BOD1: variants seen among roughly 807,000 people sequenced by gnomAD.
The protein encoded by BOD1 is biorientation of chromosomes in cell division protein 1.
Under a neutral mutation model 15.7 loss-of-function variants are expected in BOD1, and 11 were observed. That is an observed-to-expected ratio of 0.70 (90% CI 0.44 to 1.16). The LOEUF is 1.16. BOD1 is among the 50% of genes most tolerant of loss of function. BOD1 has a pLI of 0.00. For synonymous variants in BOD1, 105 were observed against 103.5 expected, an observed-to-expected ratio of 1.01 and a Z score of -0.09; for missense variants, 182 against 244.5, an observed-to-expected ratio of 0.74 and a Z score of 1.70.
In BOD1 at chr5:173,616,644, C is replaced by A; in HGVS notation, c.-208G>T. On this transcript the variant is annotated 5_prime_UTR_variant, in exon 1 of 4. Coordinates refer to ENST00000311086, the MANE Select transcript of BOD1 (RefSeq NM_138369.3). Reference sequence around the variant, plus strand: ...ACAGCAGAGGTTGTGGTGGACGCGGCAGAAACGGCCTGCTCGATTCCAGGC... The same window carrying A: ...ACAGCAGAGGTTGTGGTGGACGCGGAAGAAACGGCCTGCTCGATTCCAGGC... 7.7e-7 allele frequency: 1 copy of A among 1,306,878 alleles called. No homozygotes were observed. The highest frequency in any genetic ancestry group is 9.7e-7 in the Non-Finnish European group (1 of 1,032,068). 81.0% of individuals were successfully genotyped at this position (1,306,878 alleles called of 1,614,324 possible). A position where few individuals can be genotyped will look rare whatever the true frequency, so the allele number is the denominator to read the frequency against.
intron 1 of BOD1, chr5:173,614,867 C>G (rs567762560): frequency 2.0e-5 from 3 of 152,374 alleles, no homozygotes; most frequent in African/African-American, 7.2e-5. Context: ...CCTATATACA[C>G]TACGCATGAA....
Position 173,616,588 on chromosome 5 carries a change from G to A in BOD1, c.-152C>T. ...TGGCGATGGCGGCAGGGGCGGTGGT[G>A]GGGGCGGCGGCGGCGAAGGCCCCCT... On this transcript the variant is annotated 5_prime_UTR_variant, in exon 1 of 4. Transcript: ENST00000311086. 7.4e-7 allele frequency: 1 copy of A among 1,359,270 alleles called. No homozygotes were observed. Among genetic ancestry groups the A allele is most frequent in the East Asian group, 3.1e-5 (1 of 32,160 alleles). 84.2% of individuals were successfully genotyped at this position (1,359,270 alleles called of 1,614,324 possible). A position where few individuals can be genotyped will look rare whatever the true frequency, so the allele number is the denominator to read the frequency against.
chr5:173,609,143 A>G, intron 3 of BOD1, 95 bp downstream of exon 3: 1 of 1,291,948 alleles, frequency 7.7e-7, no homozygotes, highest in Non-Finnish European at 1.0e-6. Context: ...ATACTTCCTG[A>G]ATGATCCTCA....
intron 3 of BOD1, 117 bp downstream of exon 3, chr5:173,609,121 C>A: frequency 8.9e-7 from 1 of 1,128,838 alleles, no homozygotes; most frequent in Non-Finnish European, 1.3e-6. Flanking sequence ...AGGTGAAGTC[C>A]ATCTGCAGTA....
chr5:173,614,588 C>A (rs1755442270), intron 1 of BOD1: 1 of 152,248 alleles, frequency 6.6e-6, no homozygotes, highest in Non-Finnish European at 1.5e-5. Context: ...AACAAGTTCT[C>A]AGGTGATGCT....
Position 173,613,162 on chromosome 5 carries a change from A to G in BOD1, c.331T>C (p.Leu111=). ...ACACTCTGCCTCAGACCATTTCGCA[A>G]CTGGTTTTTGTTCATCGTAGGATTC... The part of the protein sequence containing the change: ...EWNPTMNKNQ[L]RNGLRQSVVQ... Residue 111 remains leucine (L), a synonymous_variant, in exon 2 of 4, where the codon TTG becomes CTG. Transcript: ENST00000311086. 6.2e-7 allele frequency: 1 copy of G among 1,614,156 alleles called. No individual in the cohort carries two copies. Among genetic ancestry groups the G allele is most frequent in the Non-Finnish European group, 8.5e-7 (1 of 1,179,990 alleles).
Position 173,616,188 on chromosome 5 carries a change from G to C in BOD1, c.237+12C>G, listed in dbSNP as rs1043758789. The stretch of plus-strand genomic sequence containing the variant: ...CAGCCCCGCTCCCCAACGCCCAGGC[G>C]GCCGCAGCTACCTTGGTGTCCACGT... On this transcript the variant is annotated intron_variant, in intron 1 of 3. Transcript: ENST00000311086. 5.7e-6 allele frequency: 9 copies of C among 1,572,256 alleles called. No homozygotes were observed. Among genetic ancestry groups the C allele is most frequent in the Non-Finnish European group, 7.8e-6 (9 of 1,159,960 alleles).
chr5:173,610,994 T>C (rs1260932522), intron 2 of BOD1, among the ~76,000 whole-genome samples: 5 of 152,212 alleles, frequency 3.3e-5, no homozygotes, highest in Admixed American at 3.3e-4. Context: ...ATCTTGGTCT[T>C]GGACTTCTAG....
At chr5:173,608,839 C>T (rs1755272748) in intron 3 of BOD1, among the ~76,000 whole-genome samples, 1 of 152,190 alleles carries the variant, frequency 6.6e-6, no homozygotes, top group African/African-American at 2.4e-5. Flanking sequence ...GACTCTGAAT[C>T]CCATTTAGGA....
Position 173,607,870 on chromosome 5 carries a change from C to T in BOD1, c.*424G>A, listed in dbSNP as rs77604714. On this transcript the variant is annotated 3_prime_UTR_variant, in exon 4 of 4. Coordinates refer to ENST00000311086, the MANE Select transcript of BOD1 (RefSeq NM_138369.3). ...CAAATAAGCACTGTCAAAGACTACT[C>T]CCAGCTAATCTTTACTGTCATTTTT... The T allele has an allele frequency of 5.4e-6, 1 of 185,142 alleles. No individual in the cohort carries two copies. Among genetic ancestry groups the T allele is most frequent in the Non-Finnish European group, 1.1e-5 (1 of 88,356 alleles). 11.5% of individuals were successfully genotyped at this position (185,142 alleles called of 1,614,324 possible).
chr5:173,609,739 T>C, intron 2 of BOD1: 1 of 309,116 alleles, frequency 3.2e-6, no homozygotes. Flanking sequence ...GACAGCATGG[T>C]GAGAAAGAGT....
rs1755395954 is a variant in BOD1 at position 173,613,046 on chromosome 5, C to T, written c.362+85G>A. On this transcript the variant is annotated intron_variant, in intron 2 of 3. Transcript: ENST00000311086. ...ATACTTGATATAAAGTCCCATCAAC[C>T]TTGACTAAACAGAGACCTCAACCTT... The T allele has an allele frequency of 2.0e-6, 3 of 1,503,194 alleles. No homozygotes were observed. In the African/African-American group the frequency reaches 4.3e-5, roughly 21 times the overall value. 93.1% of individuals were successfully genotyped at this position (1,503,194 alleles called of 1,614,324 possible).
chr5:173,616,139 G>C, intron 1 of BOD1, 61 bp downstream of exon 1: 2 of 1,539,454 alleles, frequency 1.3e-6, no homozygotes, highest in Non-Finnish European at 1.7e-6. Flanking sequence ...GAAAATCAAA[G>C]CTGCCACCCG....
In BOD1 at chr5:173,607,519, A is replaced by G. The variant is rs566949616; in HGVS notation, c.*775T>C. The stretch of plus-strand genomic sequence containing the variant: ...GTTTAAGCTTCAGCTGAAGCTTCGG[A>G]GTAAAAGTATCAAATAATTTTATTA... On this transcript the variant is annotated 3_prime_UTR_variant, in exon 4 of 4. Transcript: ENST00000311086. The G allele has an allele frequency of 6.5e-4, 99 of 152,370 alleles. No individual in the cohort carries two copies. Among genetic ancestry groups the G allele is most frequent in the African/African-American group, 2.3e-3 (94 of 41,576 alleles). The allele number at this position is 152,370 out of a possible 1,614,324, so 9.4% of individuals were successfully genotyped here.
At chr5:173,612,012 G>C (rs537460396) in intron 2 of BOD1, among the ~76,000 whole-genome samples, 1 of 152,300 alleles carries the variant, frequency 6.6e-6, no homozygotes, top group South Asian at 2.1e-4. Flanking sequence ...GCTCAGTAAG[G>C]GGCAGCTACT....
At position 173,616,187 on chromosome 5, in the gene BOD1, C is replaced by A. The variant is rs1192150008; in HGVS notation, c.237+13G>T. 2 of 1,571,748 alleles carry A rather than the reference C, an allele frequency of 1.3e-6. No homozygotes were observed. Among genetic ancestry groups the A allele is most frequent in the East Asian group, 2.4e-5 (1 of 42,420 alleles). ...GCAGCCCCGCTCCCCAACGCCCAGG[C>A]GGCCGCAGCTACCTTGGTGTCCACG... is the stretch of plus-strand genomic sequence containing the variant. On this transcript the variant is annotated intron_variant, in intron 1 of 3. Coordinates refer to ENST00000311086, the MANE Select transcript of BOD1 (RefSeq NM_138369.3).
At position 173,616,493 on chromosome 5, in the gene BOD1, G is replaced by C; in HGVS notation, c.-57C>G. On this transcript the variant is annotated 5_prime_UTR_variant, in exon 1 of 4. Transcript: ENST00000311086. ...CTATAGCTTCTTCTCCAGGACAGAAGGCCTAGAACGTGTAGAGGTGGTGAA... is the reference window on the plus strand; with the variant it reads ...CTATAGCTTCTTCTCCAGGACAGAACGCCTAGAACGTGTAGAGGTGGTGAA... 6.5e-7 allele frequency: 1 copy of C among 1,541,150 alleles called. No homozygotes were observed. The highest frequency in any genetic ancestry group is 1.2e-5 in the South Asian group (1 of 84,954).
At chr5:173,615,592 T>C (rs182600745) in intron 1 of BOD1, among the ~76,000 whole-genome samples, 54 of 152,160 alleles carry the variant, frequency 3.5e-4, no homozygotes, top group African/African-American at 1.2e-3. Context: ...CCCTGACGAG[T>C]AGGTAAAGTG....
Position 173,616,301 on chromosome 5 carries a change from G to T in BOD1, c.136C>A (p.Pro46Thr). ...GGPINPASLP[P>T]GDPQLIALIV... ...AGAGCGATGAGCTGCGGGTCGCCGG[G>T]AGGCAGCGAGGCCGGGTTGATGGGG... Residue 46 changes from proline to threonine, a missense_variant, in exon 1 of 4, where the codon CCC becomes ACC. Pro to Thr is a conservative substitution (Grantham distance 38). Coordinates refer to ENST00000311086, the MANE Select transcript of BOD1 (RefSeq NM_138369.3). 3.2e-6 allele frequency: 5 copies of T among 1,541,774 alleles called. No homozygotes were observed. Among genetic ancestry groups the T allele is most frequent in the Non-Finnish European group, 4.4e-6 (5 of 1,147,276 alleles).
Sources: gnomAD v4.1 joint callset for allele counts (sites outside exome capture counted in the v4.1 genomes callset) on GRCh38, gnomAD v4.1.1 for gene constraint, MANE v1.5 for transcripts, NCBI Gene and HGNC (gene_info 2026-07-23, HGNC 2026-07-21) for gene names.